The following BST1 variants were observed in gnomAD, a reference collection of about 807,000 sequenced individuals.
The protein encoded by BST1 is ADP-ribosyl cyclase/cyclic ADP-ribose hydrolase 2.
BST1 carries 49 observed loss-of-function variants against 40.6 expected under a neutral mutation model. The ratio of observed to expected loss-of-function variants is 1.21; its 90% CI spans 0.96 to 1.53. The LOEUF is 1.53. Among genes scored for constraint, BST1 ranks in the 40% most tolerant of loss-of-function variants. BST1 has a pLI of 0.00. For synonymous variants in BST1, 157 were observed against 159.3 expected, an observed-to-expected ratio of 0.99 and a Z score of 0.11; for missense variants, 423 against 395.9, an observed-to-expected ratio of 1.07 and a Z score of -0.58.
exon 7 of BST1, chr4:15,737,819 G>A: frequency 7.8e-7 from 1 of 1,286,270 alleles, no homozygotes. Flanking sequence ...GGAAGATACT[G>A]ACTGTCAGAG....
chr4:15,720,471 G>A (rs1436209165), intron 7 of BST1, among the ~76,000 whole-genome samples: 1 of 151,922 alleles, frequency 6.6e-6, no homozygotes, highest in African/African-American at 2.4e-5. Context: ...ACAAAAATTA[G>A]CCGCGTGTGG....
rs759138577 is a variant in BST1, at chr4:15,715,714, G to T, written c.619G>T (p.Ala207Ser). The part of the protein sequence containing the change: ...TGAYPIKGFF[A>S]DYEIPNLQKE... ...TCAAGAAATGTTTCTCAGTTTTTTT[G>T]CAGATTATGAAATTCCAAACCTCCA... is the stretch of plus-strand genomic sequence containing the variant. The change falls in exon 6 of 9, where the codon GCA becomes TCA. Residue 207 changes from alanine to serine, a missense_variant. Transcript: ENST00000265016. 2 of 1,588,130 alleles carry T rather than the reference G, an allele frequency of 1.3e-6. No homozygotes were observed. Among genetic ancestry groups the T allele is most frequent in the Admixed American group, 3.7e-5 (2 of 54,738 alleles).
chr4:15,707,204 C>G (rs929754164), intron 2 of BST1, among the ~76,000 whole-genome samples: 5 of 152,110 alleles, frequency 3.3e-5, no homozygotes, highest in Non-Finnish European at 7.4e-5. Flanking sequence ...CATGACAGAG[C>G]CAGGATTCCA....
At chr4:15,714,107 C>T (rs1359143618) in intron 4 of BST1, among the ~76,000 whole-genome samples, 1 of 152,106 alleles carries the variant, frequency 6.6e-6, no homozygotes, top group African/African-American at 2.4e-5. Flanking sequence ...CACCCACATT[C>T]CTGCCACCTA....
At chr4:15,742,383 G>A (rs746429591), downstream of BST1, among the ~76,000 whole-genome samples, 8 of 152,084 alleles carry the variant, frequency 5.3e-5, no homozygotes, top group African/African-American at 9.7e-5. Context: ...TCCCTCCTTG[G>A]CTTCCCCTAC....
In BST1 at chr4:15,711,823, C is replaced by T. The variant is rs2302463; in HGVS notation, c.468C>T (p.Ser156=). The part of the protein sequence containing the change: ...QKNDSGLDYQ[S]CPTSEDCENN... ...ACCCCTTAGGACTCGATTACCAATC[C>T]TGCCCTACATCAGAAGACTGTGAAA... Residue 156 remains serine (S), a synonymous_variant, in exon 4 of 9, where the codon TCC becomes TCT. Transcript: ENST00000265016. 60,301 of 1,613,296 alleles carry T rather than the reference C, an allele frequency of 0.037. 2,122 individuals carry two copies. The highest frequency in any genetic ancestry group is 0.2 in the East Asian group (8,800 of 44,840).
the BST1 span, among the ~76,000 whole-genome samples, chr4:15,753,321 G>A: frequency 3.5e-4 from 53 of 152,308 alleles, no homozygotes; most frequent in South Asian, 8.1e-3. Flanking sequence ...AAGTCCATTT[G>A]TGGGAGGGAT....
At chr4:15,703,361 G>T in intron 1 of BST1, 29 bp downstream of exon 1, 1 of 1,488,126 alleles carries the variant, frequency 6.7e-7, no homozygotes. Flanking sequence ...TGGAAGGGGA[G>T]CCGGAAAGAG....
At chr4:15,716,550 C>T (rs1333784604) in intron 6 of BST1, among the ~76,000 whole-genome samples, 1 of 152,152 alleles carries the variant, frequency 6.6e-6, no homozygotes, top group Non-Finnish European at 1.5e-5. Context: ...TCAGTGAATT[C>T]CCTGTGTCCG....
chr4:15,712,013 A>G, intron 4 of BST1, 124 bp downstream of exon 4: 1 of 740,064 alleles, frequency 1.4e-6, no homozygotes, highest in Non-Finnish European at 2.3e-6. Context: ...TTCCACTTTT[A>G]CCACATCATG....
downstream of BST1, among the ~76,000 whole-genome samples, chr4:15,733,738 T>C (rs1277712468): frequency 6.6e-6 from 1 of 152,136 alleles, no homozygotes; most frequent in Non-Finnish European, 1.5e-5. Context: ...AACTCTGTCA[T>C]GAGACAGCAC....
chr4:15,750,829 C>T, the BST1 span, among the ~76,000 whole-genome samples: 1 of 152,004 alleles, frequency 6.6e-6, no homozygotes, highest in East Asian at 1.9e-4. Flanking sequence ...AATAATATAG[C>T]TGCTTATAAA....
chr4:15,731,938 T>G lies in BST1; in HGVS notation c.*93T>G. Reference sequence around the variant, plus strand: ...CTGTGTATACCAAATGATTCTGTTATCTAAAGAAGCTTTTTGCTGGGAAAA... The same window carrying G: ...CTGTGTATACCAAATGATTCTGTTAGCTAAAGAAGCTTTTTGCTGGGAAAA... On this transcript the variant is annotated 3_prime_UTR_variant, in exon 9 of 9. Transcript: ENST00000265016. 1.4e-6 allele frequency: 2 copies of G among 1,419,058 alleles called. No homozygotes were observed. Among genetic ancestry groups the G allele is most frequent in the Admixed American group, 6.1e-5 (2 of 32,672 alleles). 87.9% of individuals were successfully genotyped at this position (1,419,058 alleles called of 1,614,324 possible). A position where few individuals can be genotyped will look rare whatever the true frequency, so the allele number is the denominator to read the frequency against.
At chr4:15,731,073 C>G in intron 8 of BST1, 1 of 492,242 alleles carries the variant, frequency 2.0e-6, no homozygotes, top group South Asian at 1.7e-5. Flanking sequence ...AGTTGACAGG[C>G]AGGTGACTGT....
chr4:15,771,542 A>C, the BST1 span, among the ~76,000 whole-genome samples: 1 of 152,252 alleles, frequency 6.6e-6, no homozygotes, highest in South Asian at 2.1e-4. Context: ...TTTCACAGAA[A>C]GAGAAACTAA....
At chr4:15,754,085 G>A in the BST1 span, among the ~76,000 whole-genome samples, 1 of 152,194 alleles carries the variant, frequency 6.6e-6, no homozygotes, top group East Asian at 1.9e-4. Flanking sequence ...AAGTGGGGGG[G>A]TGTGAGGCCA....
At chr4:15,719,110 T>C in intron 7 of BST1, 117 bp downstream of exon 7, 1 of 887,352 alleles carries the variant, frequency 1.1e-6, no homozygotes, top group South Asian at 1.8e-5. Flanking sequence ...GTCTTCCGGG[T>C]GGCTTCTCGG....
the BST1 span, among the ~76,000 whole-genome samples, chr4:15,762,285 T>C: frequency 0.012 from 1,682 of 141,820 alleles, 54 homozygotes; most frequent in African/African-American, 0.042. Flanking sequence ...CTTTCTTTTA[T>C]ACACACACAC....
the BST1 span, among the ~76,000 whole-genome samples, chr4:15,747,620 C>A: frequency 6.6e-6 from 1 of 152,172 alleles, no homozygotes; most frequent in Non-Finnish European, 1.5e-5. Flanking sequence ...AAGCTTATCT[C>A]CCTGAGCCAA....
Sources: gnomAD v4.1 joint callset for allele counts (sites outside exome capture counted in the v4.1 genomes callset) on GRCh38, gnomAD v4.1.1 for gene constraint, MANE v1.5 for transcripts, NCBI Gene and HGNC (gene_info 2026-07-23, HGNC 2026-07-21) for gene names.